The following ACIN1 variants were observed in gnomAD, a reference collection of about 807,000 sequenced individuals.
The protein encoded by ACIN1 is apoptotic chromatin condensation inducer in the nucleus.
A neutral mutation model predicts 146.6 loss-of-function variants in ACIN1; 16 were observed. The ratio of observed to expected loss-of-function variants is 0.11; its 90% CI spans 0.07 to 0.17. The LOEUF is 0.17. ACIN1 is among the 10% of genes least tolerant of loss of function. The probability of loss-of-function intolerance (pLI) is 1.00; values close to 1 mark genes in which losing one functional copy is unlikely to be tolerated. For synonymous variants in ACIN1, 569 were observed against 582.7 expected, an observed-to-expected ratio of 0.98 and a Z score of 0.34; for missense variants, 1,357 against 1,609.3, an observed-to-expected ratio of 0.84 and a Z score of 2.68.
intron 4 of ACIN1, among the ~76,000 whole-genome samples, chr14:23,083,245 C>T (rs2047996785): frequency 6.6e-6 from 1 of 152,010 alleles, no homozygotes; most frequent in Admixed American, 6.5e-5. Flanking sequence ...TACTCTGTCA[C>T]CCAGGCTGGA....
chr14:23,095,322 G>A (rs752652862), upstream of ACIN1: 10 of 1,560,936 alleles, frequency 6.4e-6, no homozygotes, highest in Admixed American at 1.5e-4. Context: ...GCCCTGCAGC[G>A]CCCCTTTTCT....
At chr14:23,072,437 G>A (rs895213907) in intron 8 of ACIN1, among the ~76,000 whole-genome samples, 3 of 152,168 alleles carry the variant, frequency 2.0e-5, no homozygotes, top group Non-Finnish European at 4.4e-5. Flanking sequence ...TGAAGTGAGA[G>A]TGCTGCTATA....
chr14:23,064,062 C>T (rs1389591721), intron 12 of ACIN1, 43 bp downstream of exon 12: 2 of 1,610,296 alleles, frequency 1.2e-6, no homozygotes, highest in Non-Finnish European at 1.7e-6. Flanking sequence ...TCTGCATCTA[C>T]TGCTCCCACC....
chr14:23,079,120 A>T, intron 6 of ACIN1, 82 bp from the exon 7 acceptor site: 2 of 1,373,320 alleles, frequency 1.5e-6, no homozygotes, highest in Non-Finnish European at 2.0e-6. Flanking sequence ...TCCAGTTTCC[A>T]TGGACCAAAT....
chr14:23,086,442 G>A lies in ACIN1; in HGVS notation c.436+3540C>T, dbSNP rs988074192. Among the ~76,000 whole-genome samples, 12 of 152,294 alleles carry A rather than the reference G, an allele frequency of 7.9e-5. No homozygotes were observed. In the East Asian group the frequency reaches 2.3e-3, roughly 29 times the overall value. ...CAGACAATTTATGACTATGGTAGGT[G>A]GATAATGAGTCCTAACACCTTAGAA... On this transcript the variant is annotated intron_variant, in intron 4 of 18. Transcript: ENST00000605057.
chr14:23,090,665 G>A (rs370628190), intron 2 of ACIN1, 32 bp from the exon 3 acceptor site: 3 of 1,552,058 alleles, frequency 1.9e-6, no homozygotes, highest in Non-Finnish European at 2.7e-6. Context: ...AGAGGGTCTA[G>A]GAAAACAAAC....
intron 4 of ACIN1, among the ~76,000 whole-genome samples, chr14:23,082,712 T>C (rs1478525441): frequency 6.6e-6 from 1 of 152,096 alleles, no homozygotes; most frequent in African/African-American, 2.4e-5. Context: ...CCCAAAGTGC[T>C]GGGATTACAG....
chr14:23,079,610 T>A lies in ACIN1; in HGVS notation c.1725A>T (p.Ser575=). 6.2e-7 allele frequency: 1 copy of A among 1,614,090 alleles called. No homozygotes were observed. The highest frequency in any genetic ancestry group is 8.5e-7 in the Non-Finnish European group (1 of 1,180,034). The part of the protein sequence containing the change: ...PRGRPKMGSR[S]TSESRSRSRS... The stretch of plus-strand genomic sequence containing the variant: ...GTGACCTTGATCTGGACTCTGATGT[T>A]GATCTGGAGCCCATCTTGGGTCTAC... The change falls in exon 6 of 19, where the codon TCA becomes TCT. Residue 575 remains serine (S), a synonymous_variant. Transcript: ENST00000605057.
intron 4 of ACIN1, among the ~76,000 whole-genome samples, chr14:23,083,718 G>C (rs2048011139): frequency 6.6e-6 from 1 of 152,132 alleles, no homozygotes. Flanking sequence ...GACAGAGCGA[G>C]ACTCCGTCTC....
Position 23,059,240 on chromosome 14 carries a change from G to C in ACIN1, c.3760C>G (p.Arg1254Gly). The change falls in exon 19 of 19, where the codon CGA becomes GGA. Residue 1254 changes from arginine (R) to glycine (G), a missense_variant. Coordinates refer to ENST00000605057, the MANE Select transcript of ACIN1 (RefSeq NM_001386863.1). Reference protein sequence around the residue: ...RDRDRERDRERGRERDRRDTK... With the variant: ...RDRDRERDREGGRERDRRDTK... ...TCCCTGCGATCCCTTTCCCTGCCTCGTTCTCGGTCCCTTTCCCTATCCCGA... is the reference window on the plus strand; with the variant it reads ...TCCCTGCGATCCCTTTCCCTGCCTCCTTCTCGGTCCCTTTCCCTATCCCGA... The C allele has an allele frequency of 6.2e-7, 1 of 1,613,450 alleles. No individual in the cohort carries two copies. The highest frequency in any genetic ancestry group is 8.5e-7 in the Non-Finnish European group (1 of 1,179,690).
At chr14:23,082,437 A>AT (rs11378976) in intron 4 of ACIN1, among the ~76,000 whole-genome samples, 24,265 of 95,766 alleles carry the variant, frequency 0.25, 3,907 homozygotes, top group Middle Eastern at 0.37. Context: ...AGAGCTCAAT[A>AT]TTTTTTTTTT....
rs185573798 is a variant in ACIN1 at position 23,061,830 on chromosome 14, C to T, written c.3100-208G>A. Among the ~76,000 whole-genome samples, 687 of 151,998 alleles carry T rather than the reference C, an allele frequency of 4.5e-3. 5 individuals carry two copies. Among genetic ancestry groups the T allele is most frequent in the African/African-American group, 0.016 (657 of 41,438 alleles). ...CTACTGAAAATACAAAAAAATTAGC[C>T]GGGCGTGGTGGCGGGCGCCTGTAGT... On this transcript the variant is annotated intron_variant, in intron 16 of 18. Coordinates refer to ENST00000605057, the MANE Select transcript of ACIN1 (RefSeq NM_001386863.1).
Position 23,059,373 on chromosome 14 carries a change from G to A in ACIN1, c.3627C>T (p.Ala1209=), listed in dbSNP as rs201584930. The part of the protein sequence containing the change: ...EEEQKEREKE[A]ERERNRQLER... ...CCAGCTGTCGGTTCCGTTCCCGCTC[G>A]GCTTCCTTCTCCCGCTCCTTTTGCT... The change falls in exon 19 of 19, where the codon GCC becomes GCT. Residue 1209 remains alanine (A), a synonymous_variant. Coordinates refer to ENST00000605057, the MANE Select transcript of ACIN1 (RefSeq NM_001386863.1). The A allele has an allele frequency of 8.3e-5, 134 of 1,613,334 alleles. No individual in the cohort carries two copies. Among genetic ancestry groups the A allele is most frequent in the East Asian group, 3.3e-4 (15 of 44,852 alleles).
intron 3 of ACIN1, 70 bp downstream of exon 3, chr14:23,090,452 C>G: frequency 7.5e-7 from 1 of 1,334,818 alleles, no homozygotes; most frequent in South Asian, 1.2e-5. Flanking sequence ...TCTAGTTAGA[C>G]AGGCCTATCT....
intron 15 of ACIN1, 46 bp from the exon 16 acceptor site, chr14:23,062,321 C>T: frequency 6.2e-7 from 1 of 1,600,902 alleles, no homozygotes; most frequent in Non-Finnish European, 8.6e-7. Context: ...GTGTCTGCAA[C>T]CCTTCCCACG....
At chr14:23,081,266 T>TATATC (rs10664652) in intron 5 of ACIN1, among the ~76,000 whole-genome samples, 73,509 of 151,674 alleles carry the variant, frequency 0.48, 19,046 homozygotes, top group African/African-American at 0.69. Flanking sequence ...CACTTAGTGT[T>TATATC]ATATAACTTT....
rs2047318645 is a variant in ACIN1 at position 23,062,418 on chromosome 14, T to A, written c.2989A>T (p.Thr997Ser). The stretch of plus-strand genomic sequence containing the variant: ...TAGAATCAGCTTCTTCCCCTCACCG[T>A]TACAAAGCAATGAGATTTGATCTTG... ...IDKIKSHCFVTYSTVEEAVAT... is the reference protein window; with the variant it reads ...IDKIKSHCFVSYSTVEEAVAT... Residue 997 changes from threonine (T) to serine (S), a missense_variant and splice_region_variant, in exon 15 of 19, where the codon ACG becomes TCG. Coordinates refer to ENST00000605057, the MANE Select transcript of ACIN1 (RefSeq NM_001386863.1). 3.1e-6 allele frequency: 5 copies of A among 1,614,110 alleles called. No homozygotes were observed. The highest frequency in any genetic ancestry group is 4.2e-6 in the Non-Finnish European group (5 of 1,179,960).
At position 23,068,180 on chromosome 14, in the gene ACIN1, C is replaced by T. The variant is rs371652227; in HGVS notation, c.2265+1296G>A. Reference sequence around the variant, plus strand: ...TAGACTCCTCTGCACGGTTCCTAGTCGTCACAGCTTAAGTAGAGGGTCCCA... The same window carrying T: ...TAGACTCCTCTGCACGGTTCCTAGTTGTCACAGCTTAAGTAGAGGGTCCCA... On this transcript the variant is annotated intron_variant, in intron 9 of 18. Coordinates refer to ENST00000605057, the MANE Select transcript of ACIN1 (RefSeq NM_001386863.1). This position sits in a 1 kb window ranked among gnomAD's most constrained non-coding sequence, Gnocchi z 4.3. 1.0e-5 allele frequency: 10 copies of T among 985,780 alleles called. No individual in the cohort carries two copies. Among genetic ancestry groups the T allele is most frequent in the African/African-American group, 7.0e-5 (4 of 57,230 alleles). 61.1% of individuals were successfully genotyped at this position (985,780 alleles called of 1,614,324 possible). A position where few individuals can be genotyped will look rare whatever the true frequency, so the allele number is the denominator to read the frequency against.
intron 4 of ACIN1, among the ~76,000 whole-genome samples, chr14:23,083,150 T>G (rs2047994433): frequency 6.6e-6 from 1 of 152,032 alleles, no homozygotes; most frequent in Non-Finnish European, 1.5e-5. Flanking sequence ...GAAAGAAAGT[T>G]TCACTCAAAT....
Sources: allele counts gnomAD v4.1 joint callset (sites outside exome capture counted in the v4.1 genomes callset), GRCh38; gene constraint gnomAD v4.1.1; non-coding constraint Gnocchi (gnomAD v3.1); transcripts MANE v1.5; gene names NCBI Gene and HGNC (gene_info 2026-07-23, HGNC 2026-07-21).